Variants in DMXL2 observed in about 807,000 individuals in gnomAD.
DMXL2 encodes Dmx like 2.
A neutral mutation model predicts 331.1 loss-of-function variants in DMXL2; 103 were observed. The observed-to-expected ratio is 0.31, with a 90% CI of 0.27 to 0.37. DMXL2 has a LOEUF of 0.37. Among genes scored for constraint, DMXL2 ranks in the 10% least tolerant of loss-of-function variants. The pLI is 1.00. For synonymous variants in DMXL2, 1,281 were observed against 1,252.1 expected, an observed-to-expected ratio of 1.02 and a Z score of -0.49; for missense variants, 3,171 against 3,642.9, an observed-to-expected ratio of 0.87 and a Z score of 3.33.
At chr15:51,506,897 TAAAC>T (rs935689647) in intron 16 of DMXL2, among the ~76,000 whole-genome samples, 18 of 152,162 alleles carry the variant, frequency 1.2e-4, no homozygotes, top group African/African-American at 4.3e-4. Context: ...CTGAAAAAAA[TAAAC>T]AAAGCTTTTA....
chr15:51,532,772 C>T (rs1001978604), intron 13 of DMXL2, among the ~76,000 whole-genome samples: 7 of 152,100 alleles, frequency 4.6e-5, no homozygotes, highest in African/African-American at 1.7e-4. Context: ...CAAGAACATC[C>T]AATCTCACTT....
At chr15:51,542,277 T>C (rs1319905384) in intron 9 of DMXL2, 56 bp downstream of exon 9, 2 of 1,521,170 alleles carry the variant, frequency 1.3e-6, no homozygotes, top group Non-Finnish European at 1.8e-6. Context: ...GTTCCACTTT[T>C]CTATTTATTT....
At chr15:51,565,636 T>G (rs937616022) in intron 3 of DMXL2, among the ~76,000 whole-genome samples, 2 of 152,302 alleles carry the variant, frequency 1.3e-5, no homozygotes, top group African/African-American at 4.8e-5. Flanking sequence ...CCCACTAAAT[T>G]GCAACTCTTC....
chr15:51,475,594 C>CAG (rs1301472294), intron 27 of DMXL2, among the ~76,000 whole-genome samples: 1 of 152,060 alleles, frequency 6.6e-6, no homozygotes, highest in African/African-American at 2.4e-5. Context: ...TGGTACTCTT[C>CAG]AAAAGTGTCA....
At chr15:51,478,238 G>C (rs551453416) in intron 26 of DMXL2, 33 bp downstream of exon 26, 5 of 1,538,166 alleles carry the variant, frequency 3.3e-6, no homozygotes, top group East Asian at 2.3e-5. Flanking sequence ...TGTTTTTGCT[G>C]TATTAATACT....
At chr15:51,619,810 A>C (rs144000150) in intron 1 of DMXL2, among the ~76,000 whole-genome samples, 181 of 152,250 alleles carry the variant, frequency 1.2e-3, no homozygotes, top group African/African-American at 4.0e-3. Flanking sequence ...GAGGCCTTCC[A>C]TCCATCCACT....
chr15:51,531,003 T>A lies in DMXL2; in HGVS notation c.2436+4660A>T, dbSNP rs1421471709. Among the ~76,000 whole-genome samples the A allele has an allele frequency of 2.0e-5, 3 of 152,226 alleles. No homozygotes were observed. The East Asian group carries it at 5.8e-4, about 29-fold the overall frequency. On this transcript the variant is annotated intron_variant, in intron 13 of 43. Coordinates refer to ENST00000560891, the MANE Select transcript of DMXL2 (RefSeq NM_001378457.1). ...AATGCAATCCCTATAAAAACACCAC[T>A]GACATTCTTTATAGAAATTTTTTAA...
chr15:51,467,586 G>C (rs541512968), intron 29 of DMXL2, among the ~76,000 whole-genome samples: 3 of 152,140 alleles, frequency 2.0e-5, no homozygotes, highest in African/African-American at 7.2e-5. Flanking sequence ...AAATGAAAAA[G>C]GAATACTTAA....
At chr15:51,484,014 T>C (rs1038595676) in intron 23 of DMXL2, among the ~76,000 whole-genome samples, 2 of 150,272 alleles carry the variant, frequency 1.3e-5, no homozygotes, top group African/African-American at 2.5e-5. Flanking sequence ...CCAGCTAACA[T>C]AGTACCAGAC....
chr15:51,449,261 G>A (rs751941394), intron 43 of DMXL2, 68 bp from the exon 44 acceptor site: 20 of 1,509,426 alleles, frequency 1.3e-5, no homozygotes, highest in Admixed American at 1.7e-5. Context: ...TGGCCCTTCT[G>A]CTCCCTTGGC....
intron 13 of DMXL2, among the ~76,000 whole-genome samples, chr15:51,517,702 T>C (rs1192171193): frequency 2.0e-5 from 3 of 152,206 alleles, no homozygotes; most frequent in Non-Finnish European, 4.4e-5. Flanking sequence ...AGTAACTTCA[T>C]CTGAAACGGT....
chr15:51,532,767 A>T (rs1459056020), intron 13 of DMXL2, among the ~76,000 whole-genome samples: 5 of 152,354 alleles, frequency 3.3e-5, no homozygotes, highest in African/African-American at 1.2e-4. Context: ...GAAGGCAAGA[A>T]CATCCAATCT....
At chr15:51,576,756 C>T (rs1375414748) in intron 1 of DMXL2, among the ~76,000 whole-genome samples, 1 of 152,186 alleles carries the variant, frequency 6.6e-6, no homozygotes, top group Non-Finnish European at 1.5e-5. Flanking sequence ...CTGCCTCCAA[C>T]ATCCACCATC....
chr15:51,483,246 A>G (rs569782782), intron 23 of DMXL2, among the ~76,000 whole-genome samples: 11 of 152,286 alleles, frequency 7.2e-5, no homozygotes, highest in Middle Eastern at 3.4e-3. Context: ...CCAGTGAGCC[A>G]AGCTGCTGCA....
At chr15:51,574,971 TAA>T (rs1006769928) in intron 2 of DMXL2, among the ~76,000 whole-genome samples, 3 of 151,998 alleles carry the variant, frequency 2.0e-5, no homozygotes, top group African/African-American at 7.3e-5. Context: ...AACAAAAAAT[TAA>T]AAAGAGAAAT....
At chr15:51,565,524 A>T (rs2141051913) in intron 3 of DMXL2, among the ~76,000 whole-genome samples, 1 of 152,288 alleles carries the variant, frequency 6.6e-6, no homozygotes, top group Middle Eastern at 3.4e-3. Context: ...TCTGCTATGA[A>T]GCCTTCTCTG....
chr15:51,478,877 T>C (rs549143830), intron 25 of DMXL2, among the ~76,000 whole-genome samples: 6 of 152,100 alleles, frequency 3.9e-5, no homozygotes, highest in African/African-American at 1.4e-4. Context: ...TTGAGGACAG[T>C]CTTAGAATTT....
chr15:51,599,945 C>T (rs192582939), intron 1 of DMXL2, among the ~76,000 whole-genome samples: 5 of 152,142 alleles, frequency 3.3e-5, no homozygotes, highest in Admixed American at 1.3e-4. Flanking sequence ...GTGATCTGCC[C>T]GCCTCAGCCT....
At chr15:51,542,617 G>A in intron 8 of DMXL2, 110 bp from the exon 9 acceptor site, 1 of 774,108 alleles carries the variant, frequency 1.3e-6, no homozygotes, top group Non-Finnish European at 2.0e-6. Context: ...ATAAAAACCT[G>A]ATCATTTTAA....
Sources: gnomAD v4.1 joint callset for allele counts (sites outside exome capture counted in the v4.1 genomes callset) on GRCh38, gnomAD v4.1.1 for gene constraint, MANE v1.5 for transcripts, NCBI Gene and HGNC (gene_info 2026-07-23, HGNC 2026-07-21) for gene names.